Variants in TOP2B observed in about 807,000 individuals in gnomAD.
TOP2B encodes DNA topoisomerase 2-beta.
In TOP2B, 51 loss-of-function variants were observed where a neutral mutation model predicts 193.5. The ratio of observed to expected loss-of-function variants is 0.26; its 90% confidence interval spans 0.21 to 0.33. The LOEUF (loss-of-function observed/expected upper bound fraction) is 0.33. Among genes scored for constraint, TOP2B ranks in the 10% least tolerant of loss-of-function variants. The pLI is 1.00. For synonymous variants in TOP2B, 634 were observed against 635.7 expected (o/e 1.00, Z 0.04); for missense variants, 1,378 against 1,909.3 (o/e 0.72, Z 5.19).
Position 25,623,582 on chromosome 3 carries a change from T to G in TOP2B, c.2660A>C (p.Asn887Thr). ...GTTCACAATTTCCCTAGCATCATAG[T>G]TGGGTAGTTTACAAGCCCATCCAGT... ...IGTGWACKLP[N>T]YDAREIVNNV... Residue 887 changes from asparagine (N) to threonine (T), a missense_variant, in exon 21 of 36, where the codon AAC becomes ACC. Asn to Thr is a moderately conservative substitution (Grantham distance 65). Transcript: ENST00000264331. 1 of 1,613,864 alleles carries G rather than the reference T, an allele frequency of 6.2e-7. No homozygotes were observed. The highest frequency in any genetic ancestry group is 8.5e-7 in the Non-Finnish European group (1 of 1,179,856).
In TOP2B at chr3:25,633,976, T is replaced by C. The variant is rs778966179; in HGVS notation, c.891A>G (p.Lys297=). The C allele has an allele frequency of 6.2e-7, 1 of 1,612,340 alleles. No individual in the cohort carries two copies. The highest frequency in any genetic ancestry group is 1.1e-5 in the South Asian group (1 of 90,860). The change falls in exon 8 of 36, where the codon AAA becomes AAG. Residue 297 remains lysine, a synonymous_variant. Coordinates refer to ENST00000264331, the MANE Select transcript of TOP2B (RefSeq NM_001330700.2). The part of the protein sequence containing the change: ...GFRSYVDLYV[K]DKLDETGVAL... ...CCACCCCAGTTTCATCCAATTTGTC[T>C]TTCACATAAAGATCTACATAACTGC... is the stretch of plus-strand genomic sequence containing the variant.
intron 21 of TOP2B, among the ~76,000 whole-genome samples, chr3:25,621,295 C>T (rs1702651774): frequency 6.6e-6 from 1 of 152,190 alleles, no homozygotes; most frequent in African/African-American, 2.4e-5. Flanking sequence ...CCATTCCATT[C>T]ATCATTCATC....
intron 1 of TOP2B, among the ~76,000 whole-genome samples, chr3:25,663,398 G>C (rs1340298554): frequency 6.6e-6 from 1 of 152,120 alleles, no homozygotes; most frequent in African/African-American, 2.4e-5. Flanking sequence ...AATGACCCTG[G>C]TCTGAACTCT....
At chr3:25,662,608 T>A (rs369899509) in intron 1 of TOP2B, among the ~76,000 whole-genome samples, 8 of 152,380 alleles carry the variant, frequency 5.3e-5, no homozygotes, top group African/African-American at 1.7e-4. Context: ...TTGAATGAGA[T>A]GCTCCAAGTT....
At chr3:25,647,005 C>A (rs1575584484) in intron 1 of TOP2B, among the ~76,000 whole-genome samples, 2 of 152,226 alleles carry the variant, frequency 1.3e-5, no homozygotes, top group South Asian at 4.1e-4. Context: ...TTTCCATTAA[C>A]ACTGCTCAAA....
intron 6 of TOP2B, among the ~76,000 whole-genome samples, chr3:25,636,664 A>G (rs1703115027): frequency 6.6e-6 from 1 of 152,080 alleles, no homozygotes; most frequent in Non-Finnish European, 1.5e-5. Context: ...TAAACTGCCA[A>G]CAAAATCTCT....
At chr3:25,604,940 T>A in intron 32 of TOP2B, 70 bp from the exon 33 acceptor site, 1 of 1,099,728 alleles carries the variant, frequency 9.1e-7, no homozygotes, top group Non-Finnish European at 1.4e-6. Context: ...TTGACTCTTT[T>A]AACTGATGAC....
At position 25,636,031 on chromosome 3, in the gene TOP2B, C is replaced by T; in HGVS notation, c.757G>A (p.Asp253Asn). 1 of 1,613,430 alleles carries T rather than the reference C, an allele frequency of 6.2e-7. No individual in the cohort carries two copies. Among genetic ancestry groups the T allele is most frequent in the South Asian group, 1.1e-5 (1 of 91,052 alleles). The change falls in exon 7 of 36, where the codon GAC becomes AAC. Residue 253 changes from aspartate to asparagine, a missense_variant. Coordinates refer to ENST00000264331, the MANE Select transcript of TOP2B (RefSeq NM_001330700.2). ...DLSKFKMEKL[D>N]KDIVALMTRR... The stretch of plus-strand genomic sequence containing the variant: ...GTCATGAGGGCCACAATATCCTTGT[C>T]AAGTTTTTCCATCTTAAATTTGGAC...
intron 1 of TOP2B, among the ~76,000 whole-genome samples, chr3:25,654,939 A>C (rs1198861374): frequency 6.6e-6 from 1 of 152,176 alleles, no homozygotes; most frequent in Non-Finnish European, 1.5e-5. Flanking sequence ...GTAATACCTA[A>C]AACTCTGAAA....
At position 25,634,006 on chromosome 3, in the gene TOP2B, T is replaced by G; in HGVS notation, c.861A>C (p.Gly287=). 6.3e-7 allele frequency: 1 copy of G among 1,594,228 alleles called. No homozygotes were observed. Among genetic ancestry groups the G allele is most frequent in the Non-Finnish European group, 8.5e-7 (1 of 1,174,044 alleles). The change falls in exon 8 of 36, where the codon GGA becomes GGC. Residue 287 remains glycine (G), a synonymous_variant. Coordinates refer to ENST00000264331, the MANE Select transcript of TOP2B (RefSeq NM_001330700.2). ...MFNGKKLPVN[G]FRSYVDLYVK... is the part of the protein sequence containing the mutation. ...CATAAAGATCTACATAACTGCGAAATCCATTTACCTATTAATTTAAAAAAC... is the reference window on the plus strand; with the variant it reads ...CATAAAGATCTACATAACTGCGAAAGCCATTTACCTATTAATTTAAAAAAC...
At chr3:25,606,615 C>G (rs1488428117) in intron 31 of TOP2B, among the ~76,000 whole-genome samples, 1 of 151,952 alleles carries the variant, frequency 6.6e-6, no homozygotes, top group East Asian at 1.9e-4. Flanking sequence ...TGGTGAAGGC[C>G]AATTGTAATA....
intron 3 of TOP2B, among the ~76,000 whole-genome samples, chr3:25,642,670 A>C (rs1233949103): frequency 6.6e-6 from 1 of 152,142 alleles, no homozygotes; most frequent in Non-Finnish European, 1.5e-5. Context: ...AAACACCTGC[A>C]TTTTACAACA....
chr3:25,659,540 C>T (rs1442495472), intron 1 of TOP2B, among the ~76,000 whole-genome samples: 2 of 152,122 alleles, frequency 1.3e-5, no homozygotes, highest in Non-Finnish European at 2.9e-5. Flanking sequence ...TGTTATAATT[C>T]CCTTTGTACA....
chr3:25,638,651 A>G (rs189606666), intron 4 of TOP2B, among the ~76,000 whole-genome samples: 5 of 152,164 alleles, frequency 3.3e-5, no homozygotes, highest in Admixed American at 2.6e-4. Context: ...TGTTTAGCAC[A>G]TGGTACTGTA....
At chr3:25,638,348 A>AAAAAAAAAAAAAAAT (rs1703165100) in intron 4 of TOP2B, 38 bp from the exon 5 acceptor site, 1 of 1,397,216 alleles carries the variant, frequency 7.2e-7, no homozygotes, top group Admixed American at 3.4e-5. Context: ...AAAAAAAAAA[A>AAAAAAAAAAAAAAAT]AAAAGCAGAA....
chr3:25,641,469 T>A (rs538392045), intron 4 of TOP2B, among the ~76,000 whole-genome samples: 1 of 152,224 alleles, frequency 6.6e-6, no homozygotes, highest in East Asian at 1.9e-4. Flanking sequence ...TTATGTCTTG[T>A]ATGCCTTATA....
intron 30 of TOP2B, among the ~76,000 whole-genome samples, 173 bp from the exon 31 acceptor site, chr3:25,607,548 G>A (rs2125348872): frequency 6.6e-6 from 1 of 152,252 alleles, no homozygotes; most frequent in South Asian, 2.1e-4. Context: ...TAGTTATCTG[G>A]TAGTGTTAAT....
chr3:25,623,372 A>T (rs576066919), intron 21 of TOP2B, 143 bp downstream of exon 21: 6 of 705,634 alleles, frequency 8.5e-6, no homozygotes, highest in Admixed American at 2.8e-5. Context: ...CTGTAGGCAC[A>T]TATCAAATTA....
chr3:25,600,964 G>C, intron 34 of TOP2B, 136 bp downstream of exon 34: 1 of 839,134 alleles, frequency 1.2e-6, no homozygotes, highest in Non-Finnish European at 1.8e-6. Context: ...CTGATTCCTA[G>C]ACACACTGCT....
Sources: gnomAD v4.1 joint callset for allele counts (sites outside exome capture counted in the v4.1 genomes callset) on GRCh38, gnomAD v4.1.1 for gene constraint, MANE v1.5 for transcripts, NCBI Gene and HGNC (gene_info 2026-07-23, HGNC 2026-07-21) for gene names.